ADGRG6: variants seen among roughly 807,000 people sequenced by gnomAD.
ADGRG6 encodes G-protein coupled receptor 126.
In ADGRG6, 84 loss-of-function variants were observed where a neutral mutation model predicts 142.4. The ratio of observed to expected loss-of-function variants is 0.59; its 90% CI spans 0.49 to 0.71. The LOEUF is 0.71. Ranked by LOEUF, ADGRG6 falls within the 30% of genes least tolerant of loss-of-function variation. The probability of loss-of-function intolerance (pLI) is 0.00; values close to 1 mark genes in which losing one functional copy is unlikely to be tolerated. For missense variants in ADGRG6, 1,367 were observed against 1,466.6 expected (o/e 0.93, Z 1.11); for synonymous variants, 521 against 520.5 (o/e 1.00, Z -0.01).
chr6:142,427,538 A>G (rs191655966), intron 22 of ADGRG6, among the ~76,000 whole-genome samples: 46 of 152,190 alleles, frequency 3.0e-4, no homozygotes, highest in African/African-American at 1.1e-3. Context: ...GAGCCCTCCA[A>G]ACTGTTCCAA....
At chr6:142,427,591 G>A (rs1404424480) in intron 22 of ADGRG6, among the ~76,000 whole-genome samples, 1 of 152,088 alleles carries the variant, frequency 6.6e-6, no homozygotes, top group Non-Finnish European at 1.5e-5. Context: ...CCACATATTT[G>A]GGTATCTTTT....
intron 13 of ADGRG6, 56 bp from the exon 14 acceptor site, chr6:142,403,742 ATGTT>A: frequency 5.7e-6 from 6 of 1,053,180 alleles, no homozygotes; most frequent in Non-Finnish European, 8.2e-6. Context: ...CAAAACATGT[ATGTT>A]TAAGAATCTA....
intron 2 of ADGRG6, among the ~76,000 whole-genome samples, chr6:142,333,301 C>G (rs893671401): frequency 1.3e-5 from 2 of 152,142 alleles, no homozygotes; most frequent in African/African-American, 4.8e-5. Flanking sequence ...TTTGTTTTAA[C>G]TCATCACCAA....
chr6:142,335,682 C>T (rs892981811), intron 2 of ADGRG6, among the ~76,000 whole-genome samples: 5 of 151,788 alleles, frequency 3.3e-5, no homozygotes, highest in Non-Finnish European at 7.4e-5. Flanking sequence ...TGATGAAATT[C>T]CAATAGGAAA....
intron 4 of ADGRG6, among the ~76,000 whole-genome samples, chr6:142,376,235 G>C (rs12110403): frequency 0.039 from 5,981 of 152,180 alleles, 246 homozygotes; most frequent in Middle Eastern, 0.11. Context: ...GCTGATGTCC[G>C]TCAATTTTCA....
At chr6:142,305,429 T>TACACACACACACACAC (rs5880531) in intron 1 of ADGRG6, among the ~76,000 whole-genome samples, 81 of 120,852 alleles carry the variant, frequency 6.7e-4, no homozygotes, top group African/African-American at 2.7e-3. Flanking sequence ...GCCCCTCCTG[T>TACACACACACACACAC]ACACACACAC....
intron 1 of ADGRG6, 45 bp downstream of exon 1, chr6:142,302,376 G>A: frequency 6.2e-7 from 1 of 1,605,034 alleles, no homozygotes; most frequent in Non-Finnish European, 8.5e-7. Flanking sequence ...TCTTTTATCT[G>A]TGTCCACCTT....
chr6:142,308,906 A>G (rs917635799), intron 1 of ADGRG6, among the ~76,000 whole-genome samples: 12 of 151,828 alleles, frequency 7.9e-5, no homozygotes, highest in African/African-American at 2.7e-4. Flanking sequence ...TGAGTTTTCA[A>G]AGCACCACCT....
At chr6:142,381,892 T>C in intron 4 of ADGRG6, 59 bp from the exon 5 acceptor site, 1 of 1,045,280 alleles carries the variant, frequency 9.6e-7, no homozygotes, top group Non-Finnish European at 1.5e-6. Context: ...GTATGATTTT[T>C]CTGGATAATA....
chr6:142,438,511 A>C (rs545946539), intron 24 of ADGRG6, 147 bp downstream of exon 24: 1 of 507,050 alleles, frequency 2.0e-6, no homozygotes, highest in Admixed American at 4.1e-5. Flanking sequence ...GACGTTATCC[A>C]ACACCTTTAT....
intron 2 of ADGRG6, among the ~76,000 whole-genome samples, chr6:142,315,112 T>G (rs952481297): frequency 6.6e-6 from 1 of 152,076 alleles, no homozygotes; most frequent in Non-Finnish European, 1.5e-5. Flanking sequence ...GAACTAGACC[T>G]AGAGGTTGGG....
rs796244527 is a variant in ADGRG6, at chr6:142,327,268, T to TA, written c.103+17635dup. On this transcript the variant is annotated intron_variant, in intron 2 of 24. Transcript: ENST00000367609. ...CAAAAAGATAAAAAGAGGAATTCAT[T>TA]AAAAAAAAAAAGTCTTTGGGGACTA... Among the ~76,000 whole-genome samples the TA allele has an allele frequency of 2.1e-3, 305 of 144,920 alleles. 4 individuals are homozygous for TA. The East Asian group carries it at 0.036, about 17-fold the overall frequency.
intron 9 of ADGRG6, 85 bp from the exon 10 acceptor site, chr6:142,397,528 C>G (rs777407090): frequency 1.3e-4 from 163 of 1,263,528 alleles, no homozygotes; most frequent in Non-Finnish European, 1.7e-4. Context: ...GGTCATCCCT[C>G]TACATCCAAA....
intron 9 of ADGRG6, among the ~76,000 whole-genome samples, chr6:142,397,254 T>C (rs1775244972): frequency 1.3e-5 from 2 of 151,988 alleles, no homozygotes; most frequent in African/African-American, 4.8e-5. Flanking sequence ...AAAAAATTAA[T>C]TTGGGGCCAC....
intron 4 of ADGRG6, among the ~76,000 whole-genome samples, chr6:142,379,891 G>A (rs1399387929): frequency 5.3e-5 from 8 of 152,204 alleles, no homozygotes; most frequent in Admixed American, 2.0e-4. Flanking sequence ...CACAGCCTCA[G>A]GGGGTCCTGA....
chr6:142,393,591 AAC>A (rs1229066913), intron 8 of ADGRG6, among the ~76,000 whole-genome samples: 2 of 152,304 alleles, frequency 1.3e-5, no homozygotes, highest in Non-Finnish European at 1.5e-5. Context: ...GAGATTTAAT[AAC>A]ACAGAACAGG....
chr6:142,363,021 T>C (rs1780791274), intron 2 of ADGRG6, among the ~76,000 whole-genome samples: 1 of 152,214 alleles, frequency 6.6e-6, no homozygotes, highest in Admixed American at 6.5e-5. Flanking sequence ...CAACTTAAGC[T>C]AAATTTTCTG....
At chr6:142,327,509 A>T (rs1442756156) in intron 2 of ADGRG6, among the ~76,000 whole-genome samples, 1 of 152,134 alleles carries the variant, frequency 6.6e-6, no homozygotes, top group Non-Finnish European at 1.5e-5. Context: ...AAGATAAGCT[A>T]CTAGATATTT....
chr6:142,420,561 A>G (rs966782640), intron 22 of ADGRG6, among the ~76,000 whole-genome samples: 3 of 152,192 alleles, frequency 2.0e-5, no homozygotes, highest in Non-Finnish European at 4.4e-5. Flanking sequence ...GAACAGTAGC[A>G]GTTCACCTTG....
Sources: allele counts gnomAD v4.1 joint callset (sites outside exome capture counted in the v4.1 genomes callset), GRCh38; gene constraint gnomAD v4.1.1; transcripts MANE v1.5; gene names NCBI Gene and HGNC (gene_info 2026-07-23, HGNC 2026-07-21).